Variants in GPHN observed in about 807,000 individuals in gnomAD.
GPHN encodes the protein gephyrin.
A neutral mutation model predicts 95.5 loss-of-function variants in GPHN; 17 were observed. The ratio of observed to expected loss-of-function variants is 0.18; its 90% CI spans 0.12 to 0.27. The LOEUF (loss-of-function observed/expected upper bound fraction) is 0.27, where lower values mean the gene tolerates loss of function less well. Among genes scored for constraint, GPHN ranks in the 10% least tolerant of loss-of-function variants. GPHN has a pLI of 1.00. For missense variants in GPHN, 660 were observed against 978.1 expected (o/e 0.67, Z 4.34); for synonymous variants, 320 against 322.5 (o/e 0.99, Z 0.08).
chr14:66,883,620 A>G (rs967641860), intron 5 of GPHN, among the ~76,000 whole-genome samples: 6 of 152,046 alleles, frequency 3.9e-5, no homozygotes, highest in Non-Finnish European at 7.4e-5. Context: ...TAAGTAAATT[A>G]TTTAACTCCT....
the GPHN span, chr14:67,204,794 CG>C: frequency 7.4e-6 from 12 of 1,613,942 alleles, no homozygotes; most frequent in African/African-American, 1.6e-4. Context: ...ATGGATGTGA[CG>C]GATGTCACCA....
rs2074209546 is a variant in GPHN at position 67,031,798 on chromosome 14, C to T, written c.1006+8123C>T. On this transcript the variant is annotated intron_variant, in intron 10 of 22. Coordinates refer to ENST00000478722, the MANE Select transcript of GPHN (RefSeq NM_020806.5). ...ATTCGCTATTCAATTTAAATTTTGT[C>T]TTATTTCTCTTATTTTTCTCGGTTA... 1.3e-5 allele frequency among the ~76,000 whole-genome samples: 2 copies of T among 151,804 alleles called. 1 individual carries two copies. Among genetic ancestry groups the T allele is most frequent in the South Asian group, 4.2e-4 (2 of 4,776 alleles).
the GPHN span, among the ~76,000 whole-genome samples, chr14:67,551,636 C>T: frequency 6.6e-6 from 1 of 152,058 alleles, no homozygotes; most frequent in Non-Finnish European, 1.5e-5. Context: ...CGCCTGTAAT[C>T]CCAGGACTTA....
chr14:67,045,473 CTCTG>C (rs1187582635), intron 10 of GPHN, among the ~76,000 whole-genome samples: 1 of 149,894 alleles, frequency 6.7e-6, no homozygotes, highest in African/African-American at 2.5e-5. Flanking sequence ...GTCTCTGTTT[CTCTG>C]TCTCTCTGTG....
chr14:67,200,055 G>T, the GPHN span: 2 of 934,504 alleles, frequency 2.1e-6, no homozygotes, highest in Non-Finnish European at 3.2e-6. Context: ...CTGGGGGACA[G>T]CCACCACCCC....
At chr14:66,816,019 G>A (rs112519885) in intron 3 of GPHN, among the ~76,000 whole-genome samples, 8 of 152,068 alleles carry the variant, frequency 5.3e-5, no homozygotes, top group South Asian at 2.1e-4. Context: ...TCTACTTTCC[G>A]ACAAAACAGA....
At chr14:67,359,692 C>A in the GPHN span, 8 of 1,613,962 alleles carry the variant, frequency 5.0e-6, no homozygotes, top group South Asian at 8.8e-5. Flanking sequence ...CGGTCTTTGC[C>A]CGACATTCTG....
At chr14:67,347,502 C>CTTTT in the GPHN span, 102 of 1,112,318 alleles carry the variant, frequency 9.2e-5, no homozygotes, top group South Asian at 1.4e-4. Context: ...TAAGTTCTCT[C>CTTTT]TTTTTTTTTT....
chr14:67,587,021 A>AG, the GPHN span: 3 of 1,533,828 alleles, frequency 2.0e-6, no homozygotes, highest in Non-Finnish European at 2.7e-6. Flanking sequence ...TAAGAAAGCC[A>AG]GGATTCAAGC....
the GPHN span, chr14:67,677,422 A>G: frequency 8.5e-6 from 1 of 117,212 alleles, no homozygotes; most frequent in African/African-American, 3.4e-5. Flanking sequence ...AGACCTCATC[A>G]GTCCTGGGTG....
chr14:66,517,855 G>A (rs1478705090), intron 1 of GPHN, among the ~76,000 whole-genome samples: 3 of 151,920 alleles, frequency 2.0e-5, no homozygotes, highest in Admixed American at 2.0e-4. Flanking sequence ...AAAACATAGG[G>A]GAAATGTTTC....
chr14:67,041,204 A>G (rs1402016006), intron 10 of GPHN, among the ~76,000 whole-genome samples: 2 of 152,158 alleles, frequency 1.3e-5, no homozygotes, highest in Admixed American at 6.6e-5. Context: ...CCAAAATACA[A>G]ACACTTTCTT....
chr14:66,559,882 G>T (rs372825144), intron 1 of GPHN, among the ~76,000 whole-genome samples: 2,013 of 152,068 alleles, frequency 0.013, 12 homozygotes, highest in Middle Eastern at 0.02. Context: ...GGTCTAACAT[G>T]TAAGTCTTTA....
rs1192424001 is a variant in GPHN, at chr14:67,072,081, G to C, written c.1144+13295G>C. 7.9e-5 allele frequency among the ~76,000 whole-genome samples: 12 copies of C among 152,038 alleles called. 1 individual carries two copies. In the East Asian group the frequency reaches 2.3e-3, roughly 29 times the overall value. On this transcript the variant is annotated intron_variant, in intron 11 of 22. Transcript: ENST00000478722. ...TTTCTATATACATGTCTTATTTGCT[G>C]TAGTTTATCTTGCAATTTTTAAATT...
intron 1 of GPHN, among the ~76,000 whole-genome samples, chr14:66,612,445 A>G (rs191163665): frequency 8.7e-4 from 133 of 152,168 alleles, no homozygotes; most frequent in Middle Eastern, 3.4e-3. Flanking sequence ...ATACAAAATA[A>G]ACACAATGAA....
At chr14:67,091,977 A>G (rs942813875) in intron 12 of GPHN, among the ~76,000 whole-genome samples, 5 of 152,118 alleles carry the variant, frequency 3.3e-5, no homozygotes, top group Admixed American at 2.0e-4. Context: ...TATGTAACAT[A>G]TAAGAGCGAC....
intron 1 of GPHN, among the ~76,000 whole-genome samples, chr14:66,618,799 A>G (rs1290401463): frequency 1.3e-5 from 2 of 152,160 alleles, no homozygotes; most frequent in African/African-American, 2.4e-5. Context: ...CACATTTTAA[A>G]TTTATGGTTT....
chr14:66,782,494 C>T (rs190463183), intron 3 of GPHN, among the ~76,000 whole-genome samples: 2 of 152,178 alleles, frequency 1.3e-5, no homozygotes, highest in Admixed American at 1.3e-4. Flanking sequence ...CCTATTACTA[C>T]TAAAAATGCC....
At chr14:67,579,114 C>G in the GPHN span, 4 of 1,477,640 alleles carry the variant, frequency 2.7e-6, no homozygotes, top group Non-Finnish European at 3.6e-6. Context: ...CCATAATACT[C>G]CCCTCTTCCG....
Sources: gnomAD v4.1 joint callset for allele counts (sites outside exome capture counted in the v4.1 genomes callset) on GRCh38, gnomAD v4.1.1 for gene constraint, MANE v1.5 for transcripts, NCBI Gene and HGNC (gene_info 2026-07-23, HGNC 2026-07-21) for gene names.